Variants in DPP6 observed in about 807,000 individuals in gnomAD.
The protein encoded by DPP6 is A-type potassium channel modulatory protein DPP6.
In DPP6, 69 loss-of-function variants were observed where a neutral mutation model predicts 122.6. The observed-to-expected ratio is 0.56, with a 90% CI of 0.46 to 0.69. The LOEUF is 0.69. Among genes scored for constraint, DPP6 ranks in the 30% least tolerant of loss-of-function variants. The pLI, the probability that DPP6 is intolerant of heterozygous loss-of-function variation, is 0.00. For synonymous variants in DPP6, 418 were observed against 433.1 expected, an observed-to-expected ratio of 0.97 and a Z score of 0.43; for missense variants, 928 against 1,116.9, an observed-to-expected ratio of 0.83 and a Z score of 2.41.
chr7:154,866,618 C>T (rs191704605), intron 17 of DPP6, among the ~76,000 whole-genome samples: 79 of 152,336 alleles, frequency 5.2e-4, no homozygotes, highest in Non-Finnish European at 9.1e-4. Context: ...GCAAGGGACA[C>T]GTTTCTCGCA....
At position 154,821,653 on chromosome 7, in the gene DPP6, T is replaced by TATATATACACATATTTATATACAC. The variant is rs1554477670; in HGVS notation, c.1666+14548_1666+14549insCACATATTTATATACACATATATA. On this transcript the variant is annotated intron_variant, in intron 16 of 25. Transcript: ENST00000377770. The surrounding 1 kb of genome is among the most constrained non-coding windows in gnomAD (Gnocchi z 4.2). ...GTATATATATATATATATACACATATATATATATATACACATATATATATA... is the reference window on the plus strand; with the variant it reads ...GTATATATATATATATATACACATATATATATACACATATTTATATACACATATATATATACACATATATATATA... Among the ~76,000 whole-genome samples the TATATATACACATATTTATATACAC allele has an allele frequency of 9.3e-6, 1 of 107,094 alleles. No individual in the cohort carries two copies. The highest frequency in any genetic ancestry group is 2.3e-4 in the East Asian group (1 of 4,318). 70.3% of individuals were successfully genotyped at this position (107,094 alleles called of 152,430 possible).
rs147379077 is a variant in DPP6, at chr7:154,428,517, A to G, written c.244-17697A>G. 1.9e-3 allele frequency among the ~76,000 whole-genome samples: 296 copies of G among 152,316 alleles called. 4 individuals carry two copies. The highest frequency in any genetic ancestry group is 6.9e-3 in the African/African-American group (288 of 41,562). ...ATTTGGTATCTACCCAAAGGAAGAG[A>G]AGTCGTTATATCAAAAACACACCTG... On this transcript the variant is annotated intron_variant, in intron 1 of 25. Coordinates refer to ENST00000377770, the MANE Select transcript of DPP6 (RefSeq NM_130797.4).
the DPP6 span, among the ~76,000 whole-genome samples, chr7:153,797,755 C>A: frequency 2.0e-5 from 3 of 152,140 alleles, no homozygotes; most frequent in Non-Finnish European, 1.5e-5. Context: ...TTGGTGAATT[C>A]TTTCTTCCTG....
chr7:154,794,037 G>T lies in DPP6; in HGVS notation c.1137-42G>T, dbSNP rs376525244. The T allele has an allele frequency of 4.7e-5, 75 of 1,597,910 alleles. No homozygotes were observed. The African/African-American group carries it at 9.5e-4, about 20-fold the overall frequency. ...GCGGTCCCCTGGCTTCTGTCGTGCG[G>T]GGGTCCTGCCAAGCTGCTCATGCTG... On this transcript the variant is annotated intron_variant, in intron 10 of 25. Coordinates refer to ENST00000377770, the MANE Select transcript of DPP6 (RefSeq NM_130797.4).
chr7:154,227,386 T>G lies in DPP6; in HGVS notation c.243+174323T>G, dbSNP rs865803327. 1.0e-4 allele frequency among the ~76,000 whole-genome samples: 13 copies of G among 127,580 alleles called. No homozygotes were observed. In the Middle Eastern group the frequency reaches 0.017, roughly 168 times the overall value. 83.7% of individuals were successfully genotyped at this position (127,580 alleles called of 152,430 possible). On this transcript the variant is annotated intron_variant, in intron 1 of 25. Transcript: ENST00000377770. ...ACTTAGATGAGAGCGGAATGGTGGT[T>G]GCCAGGGGGTTGGGAGAAGGGAAAG...
At chr7:153,877,413 A>G in the DPP6 span, among the ~76,000 whole-genome samples, 1 of 152,160 alleles carries the variant, frequency 6.6e-6, no homozygotes, top group African/African-American at 2.4e-5. Context: ...ATTATGTACC[A>G]TACATAATTG....
At chr7:154,163,077 A>T (rs145151503) in intron 1 of DPP6, among the ~76,000 whole-genome samples, 377 of 152,010 alleles carry the variant, frequency 2.5e-3, no homozygotes, top group African/African-American at 8.5e-3. Flanking sequence ...GTTGAGTGGA[A>T]CTCTATACCT....
At chr7:154,654,554 G>T (rs938373700) in intron 6 of DPP6, among the ~76,000 whole-genome samples, 2 of 151,876 alleles carry the variant, frequency 1.3e-5, no homozygotes, top group East Asian at 1.9e-4. Flanking sequence ...GAGTAGCTGG[G>T]ATTACAGGCG....
At chr7:154,645,223 G>A (rs1258923684) in intron 6 of DPP6, among the ~76,000 whole-genome samples, 7 of 151,630 alleles carry the variant, frequency 4.6e-5, no homozygotes, top group East Asian at 1.9e-4. Context: ...CCACCACCAC[G>A]CCCGGCTAAT....
In DPP6 at chr7:154,715,477, C is replaced by T. The variant is rs191875341; in HGVS notation, c.763-12290C>T. On this transcript the variant is annotated intron_variant, in intron 7 of 25. Coordinates refer to ENST00000377770, the MANE Select transcript of DPP6 (RefSeq NM_130797.4). Reference sequence around the variant, plus strand: ...GGAATCACACACTTGTACAATTTTCCGACCTTATCATTGGAACACTTGCTA... The same window carrying T: ...GGAATCACACACTTGTACAATTTTCTGACCTTATCATTGGAACACTTGCTA... Among the ~76,000 whole-genome samples, 21 of 152,266 alleles carry T rather than the reference C, an allele frequency of 1.4e-4. 1 individual carries two copies. The highest frequency in any genetic ancestry group is 2.4e-4 in the Non-Finnish European group (16 of 68,014).
chr7:154,549,073 G>A (rs576291054), intron 4 of DPP6, among the ~76,000 whole-genome samples: 2 of 152,204 alleles, frequency 1.3e-5, no homozygotes, highest in African/African-American at 4.8e-5. Flanking sequence ...TCTTCAGGAA[G>A]CTTCCATTGT....
At chr7:154,419,005 T>A (rs1817244061) in intron 1 of DPP6, among the ~76,000 whole-genome samples, 1 of 152,194 alleles carries the variant, frequency 6.6e-6, no homozygotes, top group Admixed American at 6.5e-5. Flanking sequence ...ATATTAGCAA[T>A]CATAGGCAAT....
intron 1 of DPP6, among the ~76,000 whole-genome samples, chr7:154,259,963 A>G (rs1272959513): frequency 6.6e-6 from 1 of 152,218 alleles, no homozygotes; most frequent in Non-Finnish European, 1.5e-5. Flanking sequence ...ATGAGGCAGA[A>G]TCAGGAGTCA....
chr7:154,693,184 A>G lies in DPP6; in HGVS notation c.762+23743A>G, dbSNP rs138718460. Among the ~76,000 whole-genome samples, 753 of 152,234 alleles carry G rather than the reference A, an allele frequency of 4.9e-3. 7 individuals carry two copies. The highest frequency in any genetic ancestry group is 0.017 in the African/African-American group (721 of 41,538). Reference sequence around the variant, plus strand: ...GTAATTTGGCTCCCCTAAAATTCACAGCTGTGAGTGTGCTGTGAGTTGTGT... The same window carrying G: ...GTAATTTGGCTCCCCTAAAATTCACGGCTGTGAGTGTGCTGTGAGTTGTGT... On this transcript the variant is annotated intron_variant, in intron 7 of 25. Transcript: ENST00000377770.
intron 5 of DPP6, among the ~76,000 whole-genome samples, chr7:154,621,269 C>A (rs1459644289): frequency 6.6e-6 from 1 of 152,198 alleles, no homozygotes; most frequent in Non-Finnish European, 1.5e-5. Flanking sequence ...TATTAAAAAT[C>A]TCCACGGTCT....
intron 1 of DPP6, among the ~76,000 whole-genome samples, chr7:154,213,583 G>C (rs1799850091): frequency 6.6e-6 from 1 of 152,298 alleles, no homozygotes; most frequent in Non-Finnish European, 1.5e-5. Context: ...ACACAGAGCT[G>C]GGAGGCCATC....
chr7:154,786,617 C>T (rs756250117), intron 10 of DPP6, among the ~76,000 whole-genome samples: 2 of 152,170 alleles, frequency 1.3e-5, no homozygotes, highest in Non-Finnish European at 2.9e-5. Context: ...TTTCCTGAGG[C>T]CTCTGCAGCC....
At chr7:153,832,440 A>T in the DPP6 span, among the ~76,000 whole-genome samples, 2 of 152,208 alleles carry the variant, frequency 1.3e-5, no homozygotes, top group Admixed American at 1.3e-4. Context: ...ATACTGTTGA[A>T]CTGAGTCTGA....
intron 1 of DPP6, among the ~76,000 whole-genome samples, chr7:154,308,255 G>GAA (rs5888567): frequency 4.1e-3 from 595 of 146,578 alleles, no homozygotes; most frequent in East Asian, 8.7e-3. Context: ...GGGGAAATTA[G>GAA]AAAAAAAAAA....
Sources: gnomAD v4.1 joint callset for allele counts (sites outside exome capture counted in the v4.1 genomes callset) on GRCh38, gnomAD v4.1.1 for gene constraint, Gnocchi (gnomAD v3.1) non-coding constraint, MANE v1.5 for transcripts, NCBI Gene and HGNC (gene_info 2026-07-23, HGNC 2026-07-21) for gene names.